The following PCDH9 variants were observed in gnomAD, a reference collection of about 807,000 sequenced individuals.
PCDH9 encodes the protein protocadherin-9.
In PCDH9, 24 loss-of-function variants were observed where a neutral mutation model predicts 70.6. The observed-to-expected ratio is 0.34, with a 90% CI of 0.25 to 0.48. The LOEUF is 0.48. Ranked by LOEUF, PCDH9 falls within the 20% of genes least tolerant of loss-of-function variation. The pLI is 0.99. For synonymous variants in PCDH9, 562 were observed against 558.5 expected (o/e 1.01, Z -0.09); for missense variants, 1,281 against 1,503.6 (o/e 0.85, Z 2.45).
At chr13:67,215,066 T>C (rs1012825811) in intron 2 of PCDH9, 2 of 149,886 alleles carry the variant, frequency 1.3e-5, no homozygotes, top group Non-Finnish European at 3.0e-5. Flanking sequence ...TTAAATGATG[T>C]GCCCAGTATC....
chr13:67,122,841 CCAAA>C (rs1192852367), intron 2 of PCDH9, among the ~76,000 whole-genome samples: 3 of 151,090 alleles, frequency 2.0e-5, no homozygotes, highest in African/African-American at 4.9e-5. Context: ...CTTTATCATA[CCAAA>C]CAGTTTTCCA....
At chr13:66,674,203 T>C (rs572800333) in intron 3 of PCDH9, among the ~76,000 whole-genome samples, 1 of 152,228 alleles carries the variant, frequency 6.6e-6, no homozygotes, top group African/African-American at 2.4e-5. Flanking sequence ...ATGGAGTTAA[T>C]TTTATCAGTG....
intron 2 of PCDH9, among the ~76,000 whole-genome samples, chr13:67,165,878 G>C (rs1316954755): frequency 1.3e-5 from 2 of 152,128 alleles, no homozygotes; most frequent in Non-Finnish European, 2.9e-5. Flanking sequence ...CTAGTTTGTT[G>C]ATGTATGATT....
chr13:66,397,710 A>G (rs569836196), intron 4 of PCDH9, among the ~76,000 whole-genome samples: 1 of 151,408 alleles, frequency 6.6e-6, no homozygotes, highest in Admixed American at 6.6e-5. Context: ...CATATGTTCC[A>G]TGTTATCATT....
At chr13:66,372,422 T>A (rs190710848) in intron 4 of PCDH9, among the ~76,000 whole-genome samples, 1 of 151,636 alleles carries the variant, frequency 6.6e-6, no homozygotes, top group East Asian at 2.0e-4. Flanking sequence ...ATGGTGAACA[T>A]CATATAAAAA....
intron 4 of PCDH9, among the ~76,000 whole-genome samples, chr13:66,528,317 C>T (rs1470036941): frequency 1.3e-5 from 2 of 152,078 alleles, no homozygotes; most frequent in African/African-American, 2.4e-5. Flanking sequence ...ACCTGGCATT[C>T]CTCCTCGGCA....
chr13:66,983,682 A>T (rs537143643), intron 2 of PCDH9, among the ~76,000 whole-genome samples: 14 of 149,092 alleles, frequency 9.4e-5, no homozygotes, highest in South Asian at 2.1e-4. Context: ...ACTCTTTTTT[A>T]AAAAAAACTT....
At chr13:66,591,256 T>C (rs1055168459) in intron 4 of PCDH9, among the ~76,000 whole-genome samples, 4 of 151,746 alleles carry the variant, frequency 2.6e-5, no homozygotes, top group East Asian at 3.9e-4. Flanking sequence ...CAGTGATATA[T>C]TGGTTTACAC....
At chr13:66,772,944 G>C (rs1421987580) in intron 3 of PCDH9, among the ~76,000 whole-genome samples, 1 of 151,860 alleles carries the variant, frequency 6.6e-6, no homozygotes, top group Admixed American at 6.6e-5. Flanking sequence ...TATAGTTTCA[G>C]TCATTTAAAT....
chr13:66,512,062 C>T (rs1222681509), intron 4 of PCDH9, among the ~76,000 whole-genome samples: 1 of 151,990 alleles, frequency 6.6e-6, no homozygotes, highest in Admixed American at 6.6e-5. Flanking sequence ...TGAAGCTTAA[C>T]TTTTGGGAAT....
At chr13:66,351,457 G>T (rs1457101512) in intron 4 of PCDH9, among the ~76,000 whole-genome samples, 1 of 152,120 alleles carries the variant, frequency 6.6e-6, no homozygotes, top group Admixed American at 6.6e-5. Context: ...TGAAGGGAAA[G>T]ACGTTCGATT....
intron 2 of PCDH9, among the ~76,000 whole-genome samples, chr13:66,911,154 G>A (rs573663516): frequency 2.4e-4 from 37 of 152,218 alleles, no homozygotes; most frequent in South Asian, 4.1e-4. Flanking sequence ...CAAGAATTAA[G>A]CAATAGAACT....
At chr13:66,563,941 G>C (rs1169560751) in intron 4 of PCDH9, among the ~76,000 whole-genome samples, 1 of 151,434 alleles carries the variant, frequency 6.6e-6, no homozygotes. Context: ...TTTTTAAATT[G>C]TTAGTCCTAC....
chr13:66,853,081 T>C (rs887334196), intron 3 of PCDH9, among the ~76,000 whole-genome samples: 12 of 151,964 alleles, frequency 7.9e-5, no homozygotes, highest in African/African-American at 2.9e-4. Context: ...GAGATAAGAA[T>C]ATAAATTATA....
At chr13:66,586,680 G>A (rs1403236954) in intron 4 of PCDH9, among the ~76,000 whole-genome samples, 1 of 152,202 alleles carries the variant, frequency 6.6e-6, no homozygotes, top group African/African-American at 2.4e-5. Flanking sequence ...GATAGATTGT[G>A]TGGTGAAATA....
intron 3 of PCDH9, among the ~76,000 whole-genome samples, chr13:66,894,394 T>C (rs1024904257): frequency 6.6e-6 from 1 of 152,206 alleles, no homozygotes; most frequent in East Asian, 1.9e-4. Context: ...CAAAATTATA[T>C]AAAATTGAAG....
chr13:66,651,635 G>T (rs2077853074), intron 3 of PCDH9, among the ~76,000 whole-genome samples: 1 of 151,894 alleles, frequency 6.6e-6, no homozygotes, highest in Admixed American at 6.6e-5. Context: ...AAATAGATGA[G>T]GAAGGAATGC....
chr13:66,777,713 A>T (rs1303215781), intron 3 of PCDH9, among the ~76,000 whole-genome samples: 1 of 152,188 alleles, frequency 6.6e-6, no homozygotes, highest in African/African-American at 2.4e-5. Flanking sequence ...CCCTTGTGGA[A>T]GTCAGTGTGG....
chr13:66,762,278 G>A (rs1334456312), intron 3 of PCDH9, among the ~76,000 whole-genome samples: 2 of 152,102 alleles, frequency 1.3e-5, no homozygotes, highest in Non-Finnish European at 1.5e-5. Context: ...CACTTGGCTG[G>A]TGATGATGCA....
Sources: gnomAD v4.1 joint callset for allele counts (sites outside exome capture counted in the v4.1 genomes callset) on GRCh38, gnomAD v4.1.1 for gene constraint, MANE v1.5 for transcripts, NCBI Gene and HGNC (gene_info 2026-07-23, HGNC 2026-07-21) for gene names.